The following RERE variants were observed in gnomAD, a reference collection of about 807,000 sequenced individuals.
RERE encodes arginine-glutamic acid dipeptide repeats.
A neutral mutation model predicts 146.1 loss-of-function variants in RERE; 40 were observed. The observed-to-expected ratio is 0.27, with a 90% CI of 0.21 to 0.36. The LOEUF is 0.36. Ranked by LOEUF, RERE falls within the 10% of genes least tolerant of loss-of-function variation. RERE has a pLI of 1.00. For missense variants in RERE, 1,933 were observed against 2,138.7 expected (o/e 0.90, Z 1.90); for synonymous variants, 1,003 against 866.0 (o/e 1.16, Z -2.78).
intron 1 of RERE, among the ~76,000 whole-genome samples, chr1:8,682,230 A>G (rs1026068845): frequency 9.9e-5 from 15 of 152,204 alleles, no homozygotes; most frequent in African/African-American, 3.4e-4. Context: ...TAGGCTGTCT[A>G]TAACAAAGTC....
chr1:8,778,814 A>G (rs575380063), intron 1 of RERE, among the ~76,000 whole-genome samples: 1 of 140,840 alleles, frequency 7.1e-6, no homozygotes, highest in Non-Finnish European at 1.5e-5. Flanking sequence ...CTTGTCTCCC[A>G]AAAAAAAAAA....
chr1:8,709,971 C>A (rs902548100), intron 1 of RERE, among the ~76,000 whole-genome samples: 2 of 152,214 alleles, frequency 1.3e-5, no homozygotes, highest in African/African-American at 4.8e-5. Flanking sequence ...TAGGCACTCT[C>A]TTGGATCTCC....
At position 8,353,226 on chromosome 1, in the gene RERE, A is replaced by T. The variant is rs1434430752; in HGVS notation, c.*1861T>A. 6.6e-6 allele frequency: 1 copy of T among 152,472 alleles called. No homozygotes were observed. The highest frequency in any genetic ancestry group is 1.5e-5 in the Non-Finnish European group (1 of 68,046). 9.4% of individuals were successfully genotyped at this position (152,472 alleles called of 1,614,324 possible). ...GCAGAAATGGAATGAGAGAAAAATGAAAGAAAAAAAACTAGAAACATTTTC... is the reference window on the plus strand; with the variant it reads ...GCAGAAATGGAATGAGAGAAAAATGTAAGAAAAAAAACTAGAAACATTTTC... On this transcript the variant is annotated 3_prime_UTR_variant, in exon 23 of 23. Coordinates refer to ENST00000400908, the MANE Select transcript of RERE (RefSeq NM_001042681.2).
At chr1:8,404,135 T>C (rs181964423) in intron 12 of RERE, among the ~76,000 whole-genome samples, 6 of 151,792 alleles carry the variant, frequency 4.0e-5, no homozygotes, top group Admixed American at 1.3e-4. Flanking sequence ...AGCTTTTTTT[T>C]AAAAAAAATA....
At chr1:8,604,800 T>C (rs559580611) in intron 4 of RERE, among the ~76,000 whole-genome samples, 2 of 152,328 alleles carry the variant, frequency 1.3e-5, no homozygotes, top group Non-Finnish European at 2.9e-5. Context: ...GAGAAATGCA[T>C]TCTGAAGTCC....
chr1:8,763,032 A>T (rs1272387492), intron 1 of RERE, among the ~76,000 whole-genome samples: 1 of 152,222 alleles, frequency 6.6e-6, no homozygotes, highest in Non-Finnish European at 1.5e-5. Flanking sequence ...AAGCTTAAAA[A>T]AGAAAACAGT....
intron 2 of RERE, among the ~76,000 whole-genome samples, chr1:8,653,750 A>C (rs948432169): frequency 6.6e-6 from 1 of 150,996 alleles, no homozygotes; most frequent in Non-Finnish European, 1.5e-5. Context: ...CCCATGATTT[A>C]GATGTGCGTA....
intron 12 of RERE, among the ~76,000 whole-genome samples, 179 bp downstream of exon 12, chr1:8,422,548 T>C (rs1158023029): frequency 6.6e-6 from 1 of 152,148 alleles, no homozygotes; most frequent in Non-Finnish European, 1.5e-5. Context: ...CACTTTACTA[T>C]CTAAAAATTA....
intron 1 of RERE, among the ~76,000 whole-genome samples, chr1:8,683,323 T>C (rs1044565546): frequency 1.3e-5 from 2 of 152,156 alleles, no homozygotes; most frequent in Non-Finnish European, 2.9e-5. Flanking sequence ...TCCTTCATCT[T>C]TTCCCCAATT....
chr1:8,715,239 C>T (rs899911097), intron 1 of RERE, among the ~76,000 whole-genome samples: 4 of 150,940 alleles, frequency 2.7e-5, no homozygotes, highest in Admixed American at 6.6e-5. Flanking sequence ...CGGCTGGGTG[C>T]GGTGGCTCAC....
At chr1:8,428,884 C>G (rs1439127692) in intron 11 of RERE, among the ~76,000 whole-genome samples, 1 of 152,106 alleles carries the variant, frequency 6.6e-6, no homozygotes, top group Non-Finnish European at 1.5e-5. Flanking sequence ...GAGCCCACCC[C>G]CTGTCATAGT....
chr1:8,777,314 TTTC>T (rs1236264665), intron 1 of RERE, among the ~76,000 whole-genome samples: 1 of 151,898 alleles, frequency 6.6e-6, no homozygotes, highest in Non-Finnish European at 1.5e-5. Context: ...ATCAAATATT[TTTC>T]TTATGTTTTA....
At chr1:8,510,458 G>A (rs1645320177) in intron 7 of RERE, among the ~76,000 whole-genome samples, 1 of 152,190 alleles carries the variant, frequency 6.6e-6, no homozygotes, top group South Asian at 2.1e-4. Context: ...TCTTCATTAG[G>A]AGAATGGTAT....
At chr1:8,776,103 C>T (rs1189857629) in intron 1 of RERE, among the ~76,000 whole-genome samples, 2 of 152,198 alleles carry the variant, frequency 1.3e-5, no homozygotes, top group African/African-American at 4.8e-5. Flanking sequence ...TAGTACATCG[C>T]TTCCATACCA....
intron 7 of RERE, among the ~76,000 whole-genome samples, chr1:8,540,132 C>T (rs997279199): frequency 1.3e-5 from 2 of 151,972 alleles, no homozygotes; most frequent in Non-Finnish European, 2.9e-5. Context: ...GTCCCTCTGT[C>T]GCCCAGGCTG....
intron 10 of RERE, among the ~76,000 whole-genome samples, chr1:8,473,299 G>A (rs1644714107): frequency 6.6e-6 from 1 of 152,138 alleles, no homozygotes; most frequent in African/African-American, 2.4e-5. Context: ...TCCAGCCTCA[G>A]AGGCAGGCTG....
intron 1 of RERE, among the ~76,000 whole-genome samples, chr1:8,663,101 G>A (rs972512802): frequency 5.3e-5 from 8 of 152,064 alleles, no homozygotes; most frequent in African/African-American, 1.4e-4. Context: ...CTATTTGGGC[G>A]GGGGTAAAAT....
chr1:8,780,133 G>A (rs927252142), intron 1 of RERE, among the ~76,000 whole-genome samples: 6 of 152,122 alleles, frequency 3.9e-5, no homozygotes, highest in Admixed American at 1.3e-4. Flanking sequence ...ACTAACTTAG[G>A]CATTAAGAAG....
chr1:8,649,515 A>AGGTCAG, intron 2 of RERE, among the ~76,000 whole-genome samples: 1 of 152,208 alleles, frequency 6.6e-6, no homozygotes, highest in South Asian at 2.1e-4. Context: ...AGATCACTTG[A>AGGTCAG]GGTCAGGAGT....
Sources: gnomAD v4.1 joint callset for allele counts (sites outside exome capture counted in the v4.1 genomes callset) on GRCh38, gnomAD v4.1.1 for gene constraint, MANE v1.5 for transcripts, NCBI Gene and HGNC (gene_info 2026-07-23, HGNC 2026-07-21) for gene names.